XKR9: variants seen among roughly 807,000 people sequenced by gnomAD.
XKR9 encodes XK related 9, also known as XK-related protein 9.
Under a neutral mutation model 32.0 loss-of-function variants are expected in XKR9, and 32 were observed. The observed-to-expected ratio is 1.00, with a 90% CI of 0.76 to 1.34. The LOEUF is 1.34. XKR9 is among the 40% of genes most tolerant of loss of function. The pLI, the probability that XKR9 is intolerant of heterozygous loss-of-function variation, is 0.00. For missense variants in XKR9, 546 were observed against 429.7 expected (o/e 1.27, Z -2.39); for synonymous variants, 168 against 143.4 (o/e 1.17, Z -1.22).
chr8:70,956,021 G>A, the XKR9 span, among the ~76,000 whole-genome samples: 3 of 152,212 alleles, frequency 2.0e-5, no homozygotes, highest in Admixed American at 6.5e-5. Context: ...ACCCTGGCTC[G>A]GGAAGCCCCT....
the XKR9 span, among the ~76,000 whole-genome samples, chr8:71,031,875 C>T: frequency 6.6e-6 from 1 of 152,180 alleles, no homozygotes; most frequent in Non-Finnish European, 1.5e-5. Flanking sequence ...GAGGATACTG[C>T]TTCCTTGGAC....
the XKR9 span, among the ~76,000 whole-genome samples, chr8:70,917,864 A>G: frequency 1.1e-4 from 17 of 152,140 alleles, no homozygotes; most frequent in Non-Finnish European, 2.2e-4. Flanking sequence ...TCTTCTTCCT[A>G]TGGGAATAAT....
At chr8:70,913,138 T>C in the XKR9 span, among the ~76,000 whole-genome samples, 12 of 152,316 alleles carry the variant, frequency 7.9e-5, no homozygotes, top group Middle Eastern at 3.4e-3. Flanking sequence ...ATTCCCAGTT[T>C]CTAACCCAAA....
the XKR9 span, among the ~76,000 whole-genome samples, chr8:71,033,374 G>A: frequency 6.6e-6 from 1 of 152,126 alleles, no homozygotes; most frequent in South Asian, 2.1e-4. Context: ...GATAGTCCTA[G>A]GAATTCATAG....
At chr8:70,683,238 C>A (rs1303357966) in intron 3 of XKR9, among the ~76,000 whole-genome samples, 2 of 152,108 alleles carry the variant, frequency 1.3e-5, no homozygotes, top group Admixed American at 6.5e-5. Context: ...TAAAGTAAAA[C>A]AAAACCTTTG....
chr8:70,915,638 G>C, the XKR9 span, among the ~76,000 whole-genome samples: 3 of 152,070 alleles, frequency 2.0e-5, no homozygotes, highest in Non-Finnish European at 4.4e-5. Context: ...AACTGATTTT[G>C]TCTATAGGAT....
the XKR9 span, among the ~76,000 whole-genome samples, chr8:71,042,075 G>A: frequency 6.6e-6 from 1 of 152,094 alleles, no homozygotes; most frequent in Non-Finnish European, 1.5e-5. Flanking sequence ...GTGGGACCAC[G>A]AAACCAGAGA....
At chr8:70,749,376 C>T (rs1038898439) in intron 2 of XKR9, among the ~76,000 whole-genome samples, 2 of 152,252 alleles carry the variant, frequency 1.3e-5, no homozygotes, top group Non-Finnish European at 2.9e-5. Context: ...CAAGCCAGGG[C>T]TGTGAACATA....
chr8:70,768,912 C>A (rs1305316921), intron 2 of XKR9, among the ~76,000 whole-genome samples: 1 of 152,104 alleles, frequency 6.6e-6, no homozygotes, highest in Admixed American at 6.5e-5. Flanking sequence ...TTAATTGGGG[C>A]ATTTAGCCCA....
the XKR9 span, among the ~76,000 whole-genome samples, chr8:70,982,177 T>C: frequency 6.6e-6 from 1 of 152,220 alleles, no homozygotes; most frequent in African/African-American, 2.4e-5. Context: ...GTAGGGAAGA[T>C]GCAAACTTGC....
chr8:70,737,050 A>G (rs1278973028), downstream of XKR9, among the ~76,000 whole-genome samples: 3 of 151,968 alleles, frequency 2.0e-5, no homozygotes, highest in Admixed American at 2.0e-4. Context: ...TCTATAAATT[A>G]CCTTCGGCAG....
chr8:70,925,182 G>T, the XKR9 span, among the ~76,000 whole-genome samples: 1 of 152,198 alleles, frequency 6.6e-6, no homozygotes, highest in African/African-American at 2.4e-5. Flanking sequence ...GTACAAGGAT[G>T]TAGGTAATCA....
At chr8:70,950,432 G>A in the XKR9 span, among the ~76,000 whole-genome samples, 1 of 152,076 alleles carries the variant, frequency 6.6e-6, no homozygotes, top group African/African-American at 2.4e-5. Flanking sequence ...AGGAAAACGA[G>A]GTCCAGGCAG....
chr8:70,937,913 C>G, the XKR9 span, among the ~76,000 whole-genome samples: 2 of 151,900 alleles, frequency 1.3e-5, no homozygotes, highest in Non-Finnish European at 2.9e-5. Flanking sequence ...AAGTTAGCAT[C>G]CTTTCAGTTT....
the XKR9 span, among the ~76,000 whole-genome samples, chr8:70,975,546 G>A: frequency 2.0e-5 from 3 of 152,120 alleles, no homozygotes; most frequent in Non-Finnish European, 4.4e-5. Context: ...AAGATCAGAT[G>A]GTAGTAGATG....
intron 4 of XKR9, among the ~76,000 whole-genome samples, chr8:70,713,953 G>A (rs1433377431): frequency 2.0e-5 from 3 of 152,156 alleles, no homozygotes; most frequent in Admixed American, 6.5e-5. Flanking sequence ...GAGACTAGAT[G>A]TCCAAGATCA....
At chr8:70,905,937 A>T in the XKR9 span, among the ~76,000 whole-genome samples, 10 of 152,230 alleles carry the variant, frequency 6.6e-5, no homozygotes, top group Non-Finnish European at 5.9e-5. Context: ...GAGGCTGCAG[A>T]ACAGCAAATA....
At chr8:70,746,371 A>G (rs971449811) in intron 2 of XKR9, among the ~76,000 whole-genome samples, 1 of 147,788 alleles carries the variant, frequency 6.8e-6, no homozygotes, top group African/African-American at 2.5e-5. Context: ...ATAATTATAT[A>G]TAATATAAAA....
the XKR9 span, among the ~76,000 whole-genome samples, chr8:70,966,534 T>TG: frequency 6.6e-6 from 1 of 152,224 alleles, no homozygotes; most frequent in Non-Finnish European, 1.5e-5. Context: ...TTACTTCCAA[T>TG]TACATGATCA....
Sources: gnomAD v4.1 joint callset for allele counts (sites outside exome capture counted in the v4.1 genomes callset) on GRCh38, gnomAD v4.1.1 for gene constraint, MANE v1.5 for transcripts, NCBI Gene and HGNC (gene_info 2026-07-23, HGNC 2026-07-21) for gene names.